The following CYBRD1 variants were observed in gnomAD, a reference collection of about 807,000 sequenced individuals.
The protein encoded by CYBRD1 is plasma membrane ascorbate-dependent reductase CYBRD1.
CYBRD1 carries 14 observed loss-of-function variants against 21.9 expected under a neutral mutation model. The ratio of observed to expected loss-of-function variants is 0.64; its 90% CI spans 0.42 to 1.00. The LOEUF (loss-of-function observed/expected upper bound fraction) is 1.00, where lower values mean the gene tolerates loss of function less well. Ranked by LOEUF, CYBRD1 falls within the 50% of genes least tolerant of loss-of-function variation. CYBRD1 has a pLI of 0.00. For missense variants in CYBRD1, 328 were observed against 352.5 expected, an observed-to-expected ratio of 0.93 and a Z score of 0.56; for synonymous variants, 146 against 136.5, an observed-to-expected ratio of 1.07 and a Z score of -0.48.
In CYBRD1 at chr2:171,524,926, G is replaced by A. The variant is rs141498216; in HGVS notation, c.193+2188G>A. ...GGCAATTTTCATCTGCTGCTCTTACGAAAATCTTGTTTCTTTTTTTCTTTC... is the reference window on the plus strand; with the variant it reads ...GGCAATTTTCATCTGCTGCTCTTACAAAAATCTTGTTTCTTTTTTTCTTTC... On this transcript the variant is annotated intron_variant, in intron 1 of 3. Transcript: ENST00000321348. 9.4e-4 allele frequency among the ~76,000 whole-genome samples: 143 copies of A among 152,146 alleles called. 2 individuals carry two copies. Among genetic ancestry groups the A allele is most frequent in the African/African-American group, 3.3e-3 (138 of 41,494 alleles).
At chr2:171,523,313 G>A in intron 1 of CYBRD1, 1 of 404,544 alleles carries the variant, frequency 2.5e-6, no homozygotes, top group South Asian at 1.9e-5. Flanking sequence ...TCGGCCCTGG[G>A]TAAAGGGGCT....
At chr2:171,549,250 A>G (rs1018409579) in intron 2 of CYBRD1, among the ~76,000 whole-genome samples, 1 of 152,032 alleles carries the variant, frequency 6.6e-6, no homozygotes, top group Admixed American at 6.6e-5. Context: ...TACCTGGCTA[A>G]TTTTTGTATT....
In CYBRD1 at chr2:171,522,951, G is replaced by A. The variant is rs1294036721; in HGVS notation, c.193+213G>A. On this transcript the variant is annotated intron_variant, in intron 1 of 3. Transcript: ENST00000321348. The surrounding 1 kb of genome is among the most constrained non-coding windows in gnomAD (Gnocchi z 4.3). ...GACAGAGCTGCGGTTCAGGAGGATCGCCGCGAGCGCGGGGCCGGGGGTGCG... is the reference window on the plus strand; with the variant it reads ...GACAGAGCTGCGGTTCAGGAGGATCACCGCGAGCGCGGGGCCGGGGGTGCG... 2 of 744,730 alleles carry A rather than the reference G, an allele frequency of 2.7e-6. No homozygotes were observed. The highest frequency in any genetic ancestry group is 4.2e-6 in the Non-Finnish European group (2 of 481,624). The allele number at this position is 744,730 out of a possible 1,614,324, so 46.1% of individuals were successfully genotyped here.
intron 2 of CYBRD1, among the ~76,000 whole-genome samples, chr2:171,544,652 A>G (rs891053092): frequency 2.0e-5 from 3 of 152,224 alleles, no homozygotes; most frequent in Non-Finnish European, 2.9e-5. Flanking sequence ...CCAGATGGGT[A>G]AACTATCTTC....
At position 171,554,632 on chromosome 2, in the gene CYBRD1, G is replaced by A. The variant is rs150461979; in HGVS notation, c.666G>A (p.Pro222=). ...GALIFWIVTR[P]QWKRPKEPNS... is the part of the protein sequence containing the mutation. ...TCATTTTTTGGATAGTCACCAGACC[G>A]CAATGGAAACGTCCTAAGGAGCCAA... The change falls in exon 4 of 4, where the codon CCG becomes CCA. Residue 222 remains proline (P), a synonymous_variant. Coordinates refer to ENST00000321348, the MANE Select transcript of CYBRD1 (RefSeq NM_024843.4). 85 of 1,613,856 alleles carry A rather than the reference G, an allele frequency of 5.3e-5. No individual in the cohort carries two copies. The highest frequency in any genetic ancestry group is 1.6e-4 in the Middle Eastern group (1 of 6,084).
chr2:171,552,580 A>G (rs1011843822), intron 2 of CYBRD1, among the ~76,000 whole-genome samples: 4 of 152,222 alleles, frequency 2.6e-5, no homozygotes, highest in African/African-American at 9.6e-5. Flanking sequence ...CTTTAAACTC[A>G]GTAATTCAGT....
In CYBRD1 at chr2:171,541,638, A is replaced by C; in HGVS notation, c.247A>C (p.Lys83Gln). Residue 83 changes from lysine to glutamine, a missense_variant, in exon 2 of 4, where the codon AAA (lysine) becomes CAA (glutamine). By Grantham distance (53) the Lys-to-Gln change is moderately conservative. Coordinates refer to ENST00000321348, the MANE Select transcript of CYBRD1 (RefSeq NM_024843.4). ...WTWKCSKLLM[K>Q]SIHAGLNAVA... ...CTGGAAATGCAGCAAGCTCCTGATG[A>C]AATCCATCCATGCAGGGTTAAATGC... is the stretch of plus-strand genomic sequence containing the variant. 6.2e-7 allele frequency: 1 copy of C among 1,613,980 alleles called. No homozygotes were observed. The highest frequency in any genetic ancestry group is 1.1e-5 in the South Asian group (1 of 91,066).
intron 1 of CYBRD1, among the ~76,000 whole-genome samples, chr2:171,540,372 A>G (rs1450392397): frequency 6.6e-6 from 1 of 152,146 alleles, no homozygotes; most frequent in Non-Finnish European, 1.5e-5. Context: ...GTGTAAATTT[A>G]TTTATTCATT....
intron 1 of CYBRD1, among the ~76,000 whole-genome samples, chr2:171,539,337 A>AGCAG (rs1477693438): frequency 6.6e-6 from 1 of 152,124 alleles, no homozygotes; most frequent in Non-Finnish European, 1.5e-5. Context: ...TAGAAAAAAT[A>AGCAG]GCAGCGTGTG....
rs766826566 is a variant in CYBRD1, at chr2:171,554,575, G to A, written c.609G>A (p.Thr203=). The A allele has an allele frequency of 5.0e-6, 8 of 1,613,892 alleles. No individual in the cohort carries two copies. The highest frequency in any genetic ancestry group is 1.7e-5 in the Admixed American group (1 of 59,984). The part of the protein sequence containing the change: ...TFPPEGVFVN[T]LGLLILVFGA... ...CGCCAGAAGGTGTTTTCGTAAATAC[G>A]CTTGGCCTTCTGATCCTGGTGTTCG... Residue 203 remains threonine, a synonymous_variant, in exon 4 of 4, where the codon ACG becomes ACA. Transcript: ENST00000321348.
At chr2:171,528,287 G>A (rs550296376) in intron 1 of CYBRD1, among the ~76,000 whole-genome samples, 1 of 152,094 alleles carries the variant, frequency 6.6e-6, no homozygotes, top group Non-Finnish European at 1.5e-5. Flanking sequence ...GTTTCTCCAC[G>A]TTGGTCAGGC....
intron 1 of CYBRD1, among the ~76,000 whole-genome samples, chr2:171,523,706 A>G (rs1473505531): frequency 7.4e-6 from 1 of 134,330 alleles, no homozygotes; most frequent in African/African-American, 3.0e-5. Flanking sequence ...GTCGCTGGCA[A>G]TGTTTGTTGT....
intron 2 of CYBRD1, among the ~76,000 whole-genome samples, chr2:171,549,667 G>A (rs1247829855): frequency 6.6e-6 from 1 of 152,200 alleles, no homozygotes; most frequent in Non-Finnish European, 1.5e-5. Flanking sequence ...TTATGCCTAT[G>A]CAAATGTAGA....
chr2:171,548,156 G>A (rs1323008792), intron 2 of CYBRD1, among the ~76,000 whole-genome samples: 1 of 151,944 alleles, frequency 6.6e-6, no homozygotes, highest in East Asian at 1.9e-4. Context: ...TGGAAGAAAA[G>A]TGTCATTACA....
chr2:171,538,223 A>G (rs765984104), intron 1 of CYBRD1, among the ~76,000 whole-genome samples: 11 of 152,198 alleles, frequency 7.2e-5, no homozygotes, highest in Non-Finnish European at 1.3e-4. Flanking sequence ...AGATCGCACC[A>G]TTGCACTCCA....
chr2:171,556,007 G>A lies in CYBRD1; in HGVS notation c.*1180G>A, dbSNP rs547694727. The A allele has an allele frequency of 6.6e-6, 1 of 152,236 alleles. No homozygotes were observed. The highest frequency in any genetic ancestry group is 2.1e-4 in the South Asian group (1 of 4,824). The allele number at this position is 152,236 out of a possible 1,614,324, so 9.4% of individuals were successfully genotyped here. A position where few individuals can be genotyped will look rare whatever the true frequency, so the allele number is the denominator to read the frequency against. ...CTTTTTACCTTTTGCTGTTTGCTGTGGCAGATTCCCCAGATAACCAAGGAA... is the reference window on the plus strand; with the variant it reads ...CTTTTTACCTTTTGCTGTTTGCTGTAGCAGATTCCCCAGATAACCAAGGAA... On this transcript the variant is annotated 3_prime_UTR_variant, in exon 4 of 4. Coordinates refer to ENST00000321348, the MANE Select transcript of CYBRD1 (RefSeq NM_024843.4).
chr2:171,540,732 C>A (rs1157708061), intron 1 of CYBRD1: 2 of 141,570 alleles, frequency 1.4e-5, no homozygotes, highest in Non-Finnish European at 3.1e-5. Context: ...TTTAAATTTG[C>A]ATGTTTTTCT....
chr2:171,529,559 A>T (rs1370129964), intron 1 of CYBRD1, among the ~76,000 whole-genome samples: 1 of 142,676 alleles, frequency 7.0e-6, no homozygotes, highest in Non-Finnish European at 1.5e-5. Flanking sequence ...AAAAAAAGAC[A>T]TGAGAGACTA....
At chr2:171,526,234 T>C (rs1697383994) in intron 1 of CYBRD1, among the ~76,000 whole-genome samples, 1 of 152,034 alleles carries the variant, frequency 6.6e-6, no homozygotes, top group Non-Finnish European at 1.5e-5. Flanking sequence ...GCCACTGCAC[T>C]GTAGCCTGGG....
Sources: gnomAD v4.1 joint callset for allele counts (sites outside exome capture counted in the v4.1 genomes callset) on GRCh38, gnomAD v4.1.1 for gene constraint, Gnocchi (gnomAD v3.1) non-coding constraint, MANE v1.5 for transcripts, NCBI Gene and HGNC (gene_info 2026-07-23, HGNC 2026-07-21) for gene names.